Variants in SNX14 observed in about 807,000 individuals in gnomAD.
SNX14 encodes sorting nexin-14.
SNX14 carries 93 observed loss-of-function variants against 133.8 expected under a neutral mutation model. That is an observed-to-expected ratio of 0.70 (90% CI 0.59 to 0.83). The LOEUF (loss-of-function observed/expected upper bound fraction) is 0.83, where lower values mean the gene tolerates loss of function less well. Ranked by LOEUF, SNX14 falls within the 40% of genes least tolerant of loss-of-function variation. SNX14 has a pLI of 0.00. For synonymous variants in SNX14, 368 were observed against 365.6 expected, an observed-to-expected ratio of 1.01 and a Z score of -0.07; for missense variants, 945 against 1,094.9, an observed-to-expected ratio of 0.86 and a Z score of 1.93.
In SNX14 at chr6:85,572,304, C is replaced by T. The variant is rs775494514; in HGVS notation, c.332G>A (p.Arg111Gln). Residue 111 changes from arginine to glutamine, a missense_variant, in exon 3 of 29, where the codon CGA (arginine) becomes CAA (glutamine). Physicochemically the swap from Arg to Gln is conservative, Grantham distance 43. This residue lies in a region of SNX14 where 514 missense variants were observed against 538.8 expected (regional missense o/e 0.95). Coordinates refer to ENST00000314673, the MANE Select transcript of SNX14 (RefSeq NM_153816.6). ...AAAAAAATATTTAACTTACCTATGT[C>T]GTTTACATTTCACTTTACCACAAAC... ...CAVCGKVKCK[R>Q]HRPSLLLENY... is the part of the protein sequence containing the mutation. 69 of 1,613,056 alleles carry T rather than the reference C, an allele frequency of 4.3e-5. No homozygotes were observed. Among genetic ancestry groups the T allele is most frequent in the Non-Finnish European group, 5.3e-5 (62 of 1,179,484 alleles).
chr6:85,556,472 CTTT>C (rs371881772), intron 7 of SNX14, among the ~76,000 whole-genome samples: 4 of 136,932 alleles, frequency 2.9e-5, no homozygotes, highest in Admixed American at 7.5e-5. Context: ...TCACATTCAT[CTTT>C]TTTTTTTTTT....
intron 21 of SNX14, among the ~76,000 whole-genome samples, chr6:85,521,525 A>T (rs950814967): frequency 6.6e-6 from 1 of 152,124 alleles, no homozygotes; most frequent in Admixed American, 6.6e-5. Context: ...AATATTTGCA[A>T]ATATTCTCTC....
chr6:85,526,266 C>T (rs1455091409), intron 20 of SNX14, 29 bp from the exon 21 acceptor site: 1 of 1,439,916 alleles, frequency 6.9e-7, no homozygotes, highest in Non-Finnish European at 9.6e-7. Flanking sequence ...ACGGAAAACA[C>T]AGTTTAGAAA....
At chr6:85,544,400 C>T (rs986472235) in intron 12 of SNX14, among the ~76,000 whole-genome samples, 2 of 150,288 alleles carry the variant, frequency 1.3e-5, no homozygotes, top group East Asian at 3.9e-4. Context: ...TGTGAGGCAA[C>T]AGAATATAAT....
intron 15 of SNX14, among the ~76,000 whole-genome samples, chr6:85,540,523 C>A (rs1353882118): frequency 6.6e-6 from 1 of 152,126 alleles, no homozygotes; most frequent in Non-Finnish European, 1.5e-5. Context: ...TGTTAAATAA[C>A]GTCTAAGTTT....
intron 27 of SNX14, among the ~76,000 whole-genome samples, chr6:85,507,679 T>C (rs1424874747): frequency 2.0e-5 from 3 of 152,206 alleles, no homozygotes; most frequent in Non-Finnish European, 1.5e-5. Context: ...GTGACTTGAA[T>C]AATGGAATTA....
chr6:85,582,613 A>G (rs1457760801), intron 1 of SNX14, among the ~76,000 whole-genome samples: 1 of 152,198 alleles, frequency 6.6e-6, no homozygotes, highest in Non-Finnish European at 1.5e-5. Flanking sequence ...CTGATCTCAC[A>G]AAAACACAAA....
intron 5 of SNX14, among the ~76,000 whole-genome samples, chr6:85,566,064 T>C (rs1793712193): frequency 1.3e-5 from 2 of 152,344 alleles, no homozygotes; most frequent in African/African-American, 4.8e-5. Context: ...AAGATAATTG[T>C]ATCAACCATG....
In SNX14 at chr6:85,543,304, C is replaced by G; in HGVS notation, c.1267G>C (p.Ala423Pro). 6.4e-7 allele frequency: 1 copy of G among 1,559,202 alleles called. No individual in the cohort carries two copies. Among genetic ancestry groups the G allele is most frequent in the Non-Finnish European group, 8.6e-7 (1 of 1,160,530 alleles). Reference sequence around the variant, plus strand: ...ACAACATCTATGTATGGGCCTTCAGCAACTATTAAAAAAATTCTACTGTAG... The same window carrying G: ...ACAACATCTATGTATGGGCCTTCAGGAACTATTAAAAAAATTCTACTGTAG... ...PFIVEEIQRI[A>P]EGPYIDVVKL... Residue 423 changes from alanine (A) to proline (P), a missense_variant and splice_region_variant, in exon 14 of 29, where the codon GCT becomes CCT. Ala to Pro is a conservative substitution (Grantham distance 27). This residue lies in a region of SNX14 where 514 missense variants were observed against 538.8 expected (regional missense o/e 0.95). Coordinates refer to ENST00000314673, the MANE Select transcript of SNX14 (RefSeq NM_153816.6).
Position 85,526,246 on chromosome 6 carries a change from A to C in SNX14, c.1996-9T>G. The C allele has an allele frequency of 6.4e-7, 1 of 1,551,270 alleles. No individual in the cohort carries two copies. Among genetic ancestry groups the C allele is most frequent in the Non-Finnish European group, 8.8e-7 (1 of 1,140,574 alleles). ...GGATGCTGCAGAAGTTTCTTGAATG[A>C]ACAAAAAAAACGGAAAACACAGTTT... On this transcript the variant is annotated splice_polypyrimidine_tract_variant and intron_variant, in intron 20 of 28. Coordinates refer to ENST00000314673, the MANE Select transcript of SNX14 (RefSeq NM_153816.6).
intron 6 of SNX14, among the ~76,000 whole-genome samples, chr6:85,558,856 A>G (rs1033246197): frequency 1.3e-5 from 2 of 152,102 alleles, no homozygotes; most frequent in Admixed American, 6.5e-5. Flanking sequence ...AGATTTTTCA[A>G]CCTAAAGGCT....
chr6:85,569,260 C>T (rs752635925), intron 4 of SNX14, among the ~76,000 whole-genome samples: 33 of 152,182 alleles, frequency 2.2e-4, no homozygotes, highest in Non-Finnish European at 4.4e-5. Flanking sequence ...ACACGCCCAG[C>T]GGGTACTCAT....
At chr6:85,521,000 C>T (rs1462053111) in intron 21 of SNX14, among the ~76,000 whole-genome samples, 1 of 152,060 alleles carries the variant, frequency 6.6e-6, no homozygotes, top group Non-Finnish European at 1.5e-5. Flanking sequence ...GTTTTTATAC[C>T]AAACAATTTT....
chr6:85,517,937 G>T, intron 22 of SNX14, 62 bp from the exon 23 acceptor site: 1 of 1,572,918 alleles, frequency 6.4e-7, no homozygotes, highest in Non-Finnish European at 8.6e-7. Flanking sequence ...ACATAATCCA[G>T]CAAAATTTAT....
intron 1 of SNX14, among the ~76,000 whole-genome samples, chr6:85,583,011 C>T (rs1244995887): frequency 7.9e-5 from 12 of 152,056 alleles, no homozygotes; most frequent in Admixed American, 3.3e-4. Flanking sequence ...AACATCGATG[C>T]GAAAATCCTC....
intron 4 of SNX14, among the ~76,000 whole-genome samples, chr6:85,571,274 C>T (rs1330726618): frequency 6.6e-6 from 1 of 150,944 alleles, no homozygotes; most frequent in African/African-American, 2.4e-5. Flanking sequence ...GCAGGAGAAT[C>T]GCTTGAACCC....
chr6:85,584,702 C>A (rs1800107499), intron 1 of SNX14, among the ~76,000 whole-genome samples: 1 of 152,126 alleles, frequency 6.6e-6, no homozygotes, highest in South Asian at 2.1e-4. Flanking sequence ...CAATGAGATA[C>A]CATTTCATGC....
At chr6:85,592,971 A>T (rs879511893) in intron 1 of SNX14, among the ~76,000 whole-genome samples, 15 of 152,196 alleles carry the variant, frequency 9.9e-5, no homozygotes, top group Non-Finnish European at 1.8e-4. Context: ...CCGAGACCGC[A>T]CCACTGCACT....
intron 4 of SNX14, among the ~76,000 whole-genome samples, chr6:85,570,872 C>T (rs1795321209): frequency 6.6e-6 from 1 of 151,740 alleles, no homozygotes; most frequent in South Asian, 2.1e-4. Flanking sequence ...AGAAACTTTA[C>T]ATTCCTTTTT....
Sources: gnomAD v4.1 joint callset for allele counts (sites outside exome capture counted in the v4.1 genomes callset) on GRCh38, gnomAD v4.1.1 for gene constraint, gnomAD v4.1.1 regional missense constraint, MANE v1.5 for transcripts, NCBI Gene and HGNC (gene_info 2026-07-23, HGNC 2026-07-21) for gene names.